The following SGCD variants were observed in gnomAD, a reference collection of about 807,000 sequenced individuals.
The protein encoded by SGCD is sarcoglycan delta.
SGCD carries 18 observed loss-of-function variants against 36.6 expected under a neutral mutation model. The observed-to-expected ratio is 0.49, with a 90% CI of 0.34 to 0.73. SGCD has a LOEUF of 0.73. SGCD is among the 30% of genes least tolerant of loss of function. SGCD has a pLI of 0.01. For synonymous variants in SGCD, 133 were observed against 130.6 expected (o/e 1.02, Z -0.12); for missense variants, 387 against 346.7 (o/e 1.12, Z -0.92).
intron 3 of SGCD, among the ~76,000 whole-genome samples, chr5:156,370,449 T>C (rs1770323484): frequency 6.6e-6 from 1 of 152,168 alleles, no homozygotes; most frequent in Non-Finnish European, 1.5e-5. Flanking sequence ...ATGAGGAAAC[T>C]GAGACTTGGA....
chr5:155,853,009 T>A, the SGCD span, among the ~76,000 whole-genome samples: 1 of 152,076 alleles, frequency 6.6e-6, no homozygotes, highest in South Asian at 2.1e-4. Context: ...CAGTCACTAT[T>A]TCCTTTTGCA....
At chr5:156,559,106 C>T (rs1189557811) in intron 4 of SGCD, among the ~76,000 whole-genome samples, 1 of 152,122 alleles carries the variant, frequency 6.6e-6, no homozygotes, top group East Asian at 1.9e-4. Flanking sequence ...CCCTTTCTTT[C>T]TAAGATTTCT....
intron 4 of SGCD, among the ~76,000 whole-genome samples, chr5:156,510,390 C>T (rs972860871): frequency 9.9e-5 from 15 of 152,256 alleles, no homozygotes; most frequent in African/African-American, 3.6e-4. Flanking sequence ...TAAAAAATAT[C>T]TGTTATATGC....
chr5:155,924,386 G>A (rs565347315), intron 1 of SGCD, among the ~76,000 whole-genome samples: 28 of 152,278 alleles, frequency 1.8e-4, no homozygotes, highest in African/African-American at 6.0e-4. Flanking sequence ...TCATCACAAT[G>A]GATCATCAGC....
chr5:156,494,712 T>C (rs1279720302), intron 3 of SGCD, among the ~76,000 whole-genome samples: 2 of 152,162 alleles, frequency 1.3e-5, no homozygotes, highest in African/African-American at 2.4e-5. Flanking sequence ...TTCAAGATGC[T>C]CTATTGATCC....
At chr5:156,291,773 A>G (rs371805784) in intron 3 of SGCD, among the ~76,000 whole-genome samples, 1 of 152,100 alleles carries the variant, frequency 6.6e-6, no homozygotes, top group African/African-American at 2.4e-5. Context: ...AATTGTATGC[A>G]TTTATGGTAA....
chr5:156,552,614 T>A (rs1460192807), intron 4 of SGCD, among the ~76,000 whole-genome samples: 1 of 152,158 alleles, frequency 6.6e-6, no homozygotes, highest in African/African-American at 2.4e-5. Flanking sequence ...TGGAGGAACA[T>A]CCTACCAAGA....
chr5:156,113,609 T>G lies in SGCD; in HGVS notation c.-281-4269T>G, dbSNP rs114222369. On this transcript the variant is annotated intron_variant, in intron 1 of 9. Coordinates refer to the SGCD transcript ENST00000517913. ...TGTAGAAGACAGTTTGGCAGTTTCTTACAAAGCTAAACCTACTTTTACCAT... is the reference window on the plus strand; with the variant it reads ...TGTAGAAGACAGTTTGGCAGTTTCTGACAAAGCTAAACCTACTTTTACCAT... Among the ~76,000 whole-genome samples the G allele has an allele frequency of 5.4e-3, 828 of 152,310 alleles. 6 individuals carry two copies. The highest frequency in any genetic ancestry group is 0.019 in the African/African-American group (800 of 41,578).
intron 1 of SGCD, among the ~76,000 whole-genome samples, chr5:155,902,566 C>A (rs940479602): frequency 6.6e-6 from 1 of 152,118 alleles, no homozygotes; most frequent in African/African-American, 2.4e-5. Context: ...TGTAGATATG[C>A]AAACCAGGTC....
chr5:156,256,125 C>A (rs1023600424), intron 3 of SGCD, among the ~76,000 whole-genome samples: 1 of 152,078 alleles, frequency 6.6e-6, no homozygotes, highest in African/African-American at 2.4e-5. Context: ...CTGGGTTTTG[C>A]AAGTAGAGAA....
intron 3 of SGCD, among the ~76,000 whole-genome samples, chr5:156,215,292 A>G (rs1450151740): frequency 6.6e-6 from 1 of 152,096 alleles, no homozygotes; most frequent in Admixed American, 6.5e-5. Context: ...TTTTTGGGGT[A>G]TTAGCCCAAA....
chr5:156,585,665 A>G (rs749608082), intron 4 of SGCD, among the ~76,000 whole-genome samples: 1 of 152,158 alleles, frequency 6.6e-6, no homozygotes, highest in Non-Finnish European at 1.5e-5. Flanking sequence ...TTCCTTTAGT[A>G]TTTCCAAAGG....
intron 3 of SGCD, among the ~76,000 whole-genome samples, chr5:156,421,492 T>A (rs983117831): frequency 8.5e-5 from 13 of 152,064 alleles, no homozygotes; most frequent in Admixed American, 2.6e-4. Flanking sequence ...AGCACAACTG[T>A]CCCTGTGACC....
chr5:155,832,889 G>T, the SGCD span, among the ~76,000 whole-genome samples: 384 of 151,786 alleles, frequency 2.5e-3, 1 homozygote, highest in African/African-American at 7.2e-3. Context: ...GGAATCTTGC[G>T]TACTTGTCAG....
chr5:156,115,109 C>T (rs949992857), intron 1 of SGCD, among the ~76,000 whole-genome samples: 3 of 151,770 alleles, frequency 2.0e-5, no homozygotes, highest in East Asian at 1.9e-4. Flanking sequence ...AAAATATTTT[C>T]GATGTTTAAA....
At chr5:156,302,712 G>A (rs948513911) in intron 3 of SGCD, among the ~76,000 whole-genome samples, 1 of 152,132 alleles carries the variant, frequency 6.6e-6, no homozygotes, top group Admixed American at 6.5e-5. Context: ...AAATCTTTGG[G>A]CACTGAAGCT....
At chr5:155,917,194 C>T (rs1756763819) in intron 1 of SGCD, among the ~76,000 whole-genome samples, 1 of 152,162 alleles carries the variant, frequency 6.6e-6, no homozygotes, top group Admixed American at 6.5e-5. Context: ...TCACCTCTGA[C>T]TCCATTTGAT....
intron 1 of SGCD, among the ~76,000 whole-genome samples, chr5:155,964,454 T>G (rs1304473180): frequency 6.6e-6 from 1 of 152,050 alleles, no homozygotes; most frequent in Non-Finnish European, 1.5e-5. Context: ...TTCTCCTCCC[T>G]CAGCCTCCCG....
intron 7 of SGCD, among the ~76,000 whole-genome samples, chr5:156,698,761 T>C (rs574836048): frequency 8.5e-5 from 13 of 152,070 alleles, no homozygotes; most frequent in African/African-American, 2.9e-4. Context: ...GTACTTAGCC[T>C]AGGTAAGCCT....
Sources: gnomAD v4.1 joint callset for allele counts (sites outside exome capture counted in the v4.1 genomes callset) on GRCh38, gnomAD v4.1.1 for gene constraint, MANE v1.5 for transcripts, NCBI Gene and HGNC (gene_info 2026-07-23, HGNC 2026-07-21) for gene names.